PICALM: variants seen among roughly 807,000 people sequenced by gnomAD.
PICALM encodes phosphatidylinositol binding clathrin assembly protein, also known as phosphatidylinositol-binding clathrin assembly protein.
Under a neutral mutation model 80.5 loss-of-function variants are expected in PICALM, and 40 were observed. That is an observed-to-expected ratio of 0.50 (90% CI 0.39 to 0.65). The LOEUF (loss-of-function observed/expected upper bound fraction) is 0.65. Ranked by LOEUF, PICALM falls within the 30% of genes least tolerant of loss-of-function variation. The pLI, the probability that PICALM is intolerant of heterozygous loss-of-function variation, is 0.00. For synonymous variants in PICALM, 288 were observed against 260.3 expected (o/e 1.11, Z -1.02); for missense variants, 676 against 778.9 (o/e 0.87, Z 1.57).
At chr11:86,051,844 T>A (rs1053167434) in intron 1 of PICALM, among the ~76,000 whole-genome samples, 1 of 152,250 alleles carries the variant, frequency 6.6e-6, no homozygotes, top group African/African-American at 2.4e-5. Flanking sequence ...TTCATCGCCA[T>A]CTAAATGTCA....
chr11:86,026,164 TC>T (rs2095646317), intron 3 of PICALM, 127 bp downstream of exon 3: 1 of 601,728 alleles, frequency 1.7e-6, no homozygotes, highest in Non-Finnish European at 3.0e-6. Context: ...GTTTTTTCTT[TC>T]CTACAACCTT....
chr11:86,014,067 G>C (rs2095441788), intron 5 of PICALM, among the ~76,000 whole-genome samples: 1 of 152,150 alleles, frequency 6.6e-6, no homozygotes, highest in Non-Finnish European at 1.5e-5. Context: ...TGAAATACCT[G>C]TAAGATTTAT....
chr11:86,010,676 C>T (rs1398749574), intron 7 of PICALM, among the ~76,000 whole-genome samples: 1 of 152,180 alleles, frequency 6.6e-6, no homozygotes, highest in Non-Finnish European at 1.5e-5. Context: ...GAAACCTGCA[C>T]TGATACTGGA....
intron 12 of PICALM, among the ~76,000 whole-genome samples, chr11:85,996,314 G>A (rs999027411): frequency 2.0e-5 from 3 of 151,918 alleles, no homozygotes; most frequent in African/African-American, 7.3e-5. Context: ...AAATCTTTCA[G>A]GTCTTAATTA....
chr11:86,036,494 G>C (rs2095844994), intron 1 of PICALM, among the ~76,000 whole-genome samples: 1 of 152,068 alleles, frequency 6.6e-6, no homozygotes, highest in African/African-American at 2.4e-5. Context: ...CAACATAATT[G>C]GACTTTAATA....
chr11:85,988,751 G>C (rs1252959982), intron 13 of PICALM, among the ~76,000 whole-genome samples: 1 of 152,008 alleles, frequency 6.6e-6, no homozygotes, highest in East Asian at 1.9e-4. Context: ...AAAATGGGGG[G>C]AGCCCAAGCA....
chr11:85,991,227 A>G (rs1354420165), intron 12 of PICALM, among the ~76,000 whole-genome samples: 1 of 152,198 alleles, frequency 6.6e-6, no homozygotes, highest in Non-Finnish European at 1.5e-5. Context: ...AAATGGGGAA[A>G]GAAAAAATAA....
intron 1 of PICALM, among the ~76,000 whole-genome samples, chr11:86,055,642 A>C (rs938560951): frequency 6.6e-6 from 1 of 152,196 alleles, no homozygotes; most frequent in African/African-American, 2.4e-5. Context: ...TGTCAACTTC[A>C]AAAGATTAAA....
intron 13 of PICALM, 23 bp from the exon 14 acceptor site, chr11:85,983,996 A>C (rs779244498): frequency 1.9e-6 from 2 of 1,071,272 alleles, no homozygotes; most frequent in South Asian, 1.3e-5. Flanking sequence ...AAATGGAAAA[A>C]AGCTCAATTA....
intron 4 of PICALM, among the ~76,000 whole-genome samples, chr11:86,015,785 A>T (rs1287445477): frequency 2.6e-5 from 4 of 152,228 alleles, no homozygotes; most frequent in African/African-American, 9.6e-5. Flanking sequence ...TTGAGTAACA[A>T]GGCATTTCCA....
At chr11:86,009,136 C>G (rs1387560690) in intron 7 of PICALM, among the ~76,000 whole-genome samples, 1 of 149,834 alleles carries the variant, frequency 6.7e-6, no homozygotes, top group Non-Finnish European at 1.5e-5. Context: ...GAAACCTCAT[C>G]TCTAAAATTA....
Position 85,983,915 on chromosome 11 carries a change from A to G in PICALM, c.1467T>C (p.Phe489=). The G allele has an allele frequency of 1.2e-6, 2 of 1,606,344 alleles. No homozygotes were observed. Among genetic ancestry groups the G allele is most frequent in the East Asian group, 2.2e-5 (1 of 44,692 alleles). The part of the protein sequence containing the change: ...PHPSAGLNVD[F]ESVFGNKSTN... ...TAGATTTATTTCCAAACACAGATTC[A>G]AAGTCAACATTAAGGCCAGCTGAAG... The change falls in exon 14 of 20, where the codon TTT becomes TTC. Residue 489 remains phenylalanine (F), a synonymous_variant. Transcript: ENST00000393346.
chr11:85,975,396 C>A (rs749119858), intron 18 of PICALM, among the ~76,000 whole-genome samples: 1 of 152,076 alleles, frequency 6.6e-6, no homozygotes, highest in Non-Finnish European at 1.5e-5. Context: ...TTAAAAATTA[C>A]CACTACAGGG....
rs1193631305 is a variant in PICALM, at chr11:85,964,673, G to A, written c.1945-5613C>T. ...GCCTCTGTGTTGTTCTTGCTCCTCT[G>A]CCGTGCTCTGTTATGTCTTTCTTAT... On this transcript the variant is annotated intron_variant, in intron 19 of 19. Transcript: ENST00000393346. 1.9e-4 allele frequency among the ~76,000 whole-genome samples: 10 copies of A among 52,292 alleles called. No individual in the cohort carries two copies. The East Asian group carries it at 3.2e-3, about 17-fold the overall frequency. 34.3% of individuals were successfully genotyped at this position (52,292 alleles called of 152,430 possible).
chr11:86,006,799 G>C (rs1177284731), intron 8 of PICALM, among the ~76,000 whole-genome samples: 2 of 152,194 alleles, frequency 1.3e-5, no homozygotes, highest in South Asian at 2.1e-4. Context: ...CAGAGAATCA[G>C]CCAGAACAAC....
rs1295919730 is a variant in PICALM at position 86,002,195 on chromosome 11, T to C, written c.894-1037A>G. Among the ~76,000 whole-genome samples, 3 of 152,348 alleles carry C rather than the reference T, an allele frequency of 2.0e-5. No individual in the cohort carries two copies. The South Asian group carries it at 6.2e-4, about 32-fold the overall frequency. On this transcript the variant is annotated intron_variant, in intron 9 of 19. Transcript: ENST00000393346. ...CTCAAATAAATGAGACTTATTGTTT[T>C]GACTGCTACTTCGAAAATCTTACTA...
At chr11:86,042,268 G>T (rs915630668) in intron 1 of PICALM, among the ~76,000 whole-genome samples, 2 of 151,844 alleles carry the variant, frequency 1.3e-5, no homozygotes, top group East Asian at 3.9e-4. Context: ...AAGGGATGAG[G>T]AAAATCATAT....
At chr11:85,966,969 AT>A (rs1309551545) in intron 19 of PICALM, among the ~76,000 whole-genome samples, 3 of 152,198 alleles carry the variant, frequency 2.0e-5, no homozygotes, top group Admixed American at 2.0e-4. Flanking sequence ...TTCTGTTTTA[AT>A]TTCTGTTTTT....
chr11:86,055,622 T>A (rs1348576632), intron 1 of PICALM, among the ~76,000 whole-genome samples: 1 of 151,778 alleles, frequency 6.6e-6, no homozygotes. Context: ...GGTAGTAGAG[T>A]TGTATTCCAT....
Sources: gnomAD v4.1 joint callset for allele counts (sites outside exome capture counted in the v4.1 genomes callset) on GRCh38, gnomAD v4.1.1 for gene constraint, MANE v1.5 for transcripts, NCBI Gene and HGNC (gene_info 2026-07-23, HGNC 2026-07-21) for gene names.